Variants in SPTA1 observed in about 807,000 individuals in gnomAD.
SPTA1 encodes the protein spectrin alpha, erythrocytic 1.
A neutral mutation model predicts 324.7 loss-of-function variants in SPTA1; 177 were observed. The observed-to-expected ratio is 0.55, with a 90% confidence interval of 0.48 to 0.62. SPTA1 has a LOEUF of 0.62. SPTA1 is among the 20% of genes least tolerant of loss of function. SPTA1 has a pLI of 0.00. For missense variants in SPTA1, 3,162 were observed against 2,883.6 expected (o/e 1.10, Z -2.21); for synonymous variants, 1,195 against 1,041.3 (o/e 1.15, Z -2.84).
chr1:158,649,519 T>A (rs1359765036), intron 25 of SPTA1, among the ~76,000 whole-genome samples: 1 of 152,206 alleles, frequency 6.6e-6, no homozygotes. Flanking sequence ...ACTCTCGGCC[T>A]AAAGCAATCC....
At chr1:158,677,272 T>A (rs16840527) in intron 7 of SPTA1, among the ~76,000 whole-genome samples, 4,331 of 152,250 alleles carry the variant, frequency 0.028, 166 homozygotes, top group African/African-American at 0.088. Flanking sequence ...GAGAAGACAA[T>A]GTTTTTCTGA....
In SPTA1 at chr1:158,611,247, C is replaced by T; in HGVS notation, c.*17G>A. 1 of 1,612,542 alleles carries T rather than the reference C, an allele frequency of 6.2e-7. No individual in the cohort carries two copies. Among genetic ancestry groups the T allele is most frequent in the Non-Finnish European group, 8.5e-7 (1 of 1,179,054 alleles). On this transcript the variant is annotated 3_prime_UTR_variant, in exon 52 of 52. Transcript: ENST00000643759. ...CCACGACACTAAGATTTTCTACGATCCACGAGGAGCTGCTTATTAGTTGCC... is the reference window on the plus strand; with the variant it reads ...CCACGACACTAAGATTTTCTACGATTCACGAGGAGCTGCTTATTAGTTGCC...
chr1:158,667,723 A>G, intron 15 of SPTA1, 135 bp downstream of exon 15: 1 of 927,210 alleles, frequency 1.1e-6, no homozygotes, highest in Non-Finnish European at 1.6e-6. Context: ...TTACCAATAA[A>G]AGAAAGACAC....
Position 158,611,093 on chromosome 1 carries a change from A to T in SPTA1, c.*171T>A. The T allele has an allele frequency of 1.1e-6, 1 of 898,034 alleles. No homozygotes were observed. Among genetic ancestry groups the T allele is most frequent in the Non-Finnish European group, 1.7e-6 (1 of 592,772 alleles). The allele number at this position is 898,034 out of a possible 1,614,324, so 55.6% of individuals were successfully genotyped here. On this transcript the variant is annotated 3_prime_UTR_variant, in exon 52 of 52. Coordinates refer to ENST00000643759, the MANE Select transcript of SPTA1 (RefSeq NM_003126.4). ...CTATCTCCCACCCTTGAGATTTTTTAAGATCCTACAATAAATGTAATATGC... is the reference window on the plus strand; with the variant it reads ...CTATCTCCCACCCTTGAGATTTTTTTAGATCCTACAATAAATGTAATATGC...
At position 158,651,357 on chromosome 1, in the gene SPTA1, C is replaced by A; in HGVS notation, c.3477+10G>T. 6.3e-7 allele frequency: 1 copy of A among 1,595,484 alleles called. No homozygotes were observed. Among genetic ancestry groups the A allele is most frequent in the Non-Finnish European group, 8.6e-7 (1 of 1,163,214 alleles). On this transcript the variant is annotated intron_variant, in intron 24 of 51. Transcript: ENST00000643759. ...TGGTAGTGAGGAGGAATGGAGGGAG[C>A]CTTAGTTACCTGCCGGATTTGAGCT...
rs1485407200 is a variant in SPTA1, at chr1:158,646,468, G to A, written c.3897-874C>T. 2.6e-5 allele frequency among the ~76,000 whole-genome samples: 4 copies of A among 151,754 alleles called. No homozygotes were observed. The East Asian group carries it at 7.7e-4, about 29-fold the overall frequency. ...GGAACTCATACTTTAGGTTAAGAAT[G>A]GATAAAAACAAAACAAAACAAAACA... is the stretch of plus-strand genomic sequence containing the variant. On this transcript the variant is annotated intron_variant, in intron 27 of 51. Transcript: ENST00000643759.
chr1:158,642,319 A>G (rs993789878), intron 33 of SPTA1, 92 bp downstream of exon 33: 7 of 1,356,320 alleles, frequency 5.2e-6, no homozygotes, highest in East Asian at 3.0e-5. Context: ...TAATAATAAA[A>G]TTAAAAAAAA....
rs760149264 is a variant in SPTA1, at chr1:158,653,442, T to A, written c.3037-17A>T. On this transcript the variant is annotated splice_polypyrimidine_tract_variant and intron_variant, in intron 21 of 51. Coordinates refer to ENST00000643759, the MANE Select transcript of SPTA1 (RefSeq NM_003126.4). ...CCACCAGTCCTGAAGGGAGAGCAGA[T>A]CCCCACTCCGTCATTAATTCTTGGA... The A allele has an allele frequency of 3.8e-5, 61 of 1,613,544 alleles. No individual in the cohort carries two copies. The highest frequency in any genetic ancestry group is 4.9e-5 in the Non-Finnish European group (58 of 1,179,960).
intron 8 of SPTA1, 31 bp downstream of exon 8, chr1:158,676,110 G>A (rs746901772): frequency 2.5e-6 from 4 of 1,612,740 alleles, no homozygotes; most frequent in East Asian, 2.2e-5. Context: ...TGTAGAGATA[G>A]GTAGAGCAAT....
rs368873387 is a variant in SPTA1 at position 158,620,377 on chromosome 1, C to T, written c.6210G>A (p.Val2070=). Residue 2070 remains valine, a synonymous_variant, in exon 44 of 52, where the codon GTG becomes GTA. Coordinates refer to ENST00000643759, the MANE Select transcript of SPTA1 (RefSeq NM_003126.4). ...EKMEENLSEP[V]HCVSLNEIRQ... Reference sequence around the variant, plus strand: ...GAATTTCATTCAGGGAGACACAGTGCACAGGCTCTGACAAGTTTTCTTCCA... The same window carrying T: ...GAATTTCATTCAGGGAGACACAGTGTACAGGCTCTGACAAGTTTTCTTCCA... 8.7e-6 allele frequency: 14 copies of T among 1,613,958 alleles called. No homozygotes were observed. In the African/African-American group the frequency reaches 1.9e-4, roughly 22 times the overall value.
At chr1:158,628,417 AG>A (rs1170570143) in intron 39 of SPTA1, among the ~76,000 whole-genome samples, 1 of 152,174 alleles carries the variant, frequency 6.6e-6, no homozygotes, top group Non-Finnish European at 1.5e-5. Flanking sequence ...ATAGTAAGTC[AG>A]GTTAAAGGAA....
intron 33 of SPTA1, 123 bp downstream of exon 33, chr1:158,642,288 A>G (rs1056613824): frequency 9.6e-6 from 10 of 1,040,160 alleles, no homozygotes; most frequent in Non-Finnish European, 1.1e-5. Context: ...GTGCACATGT[A>G]CCCTAAAACT....
chr1:158,622,342 ATATAT>A, intron 43 of SPTA1, among the ~76,000 whole-genome samples: 1 of 151,998 alleles, frequency 6.6e-6, no homozygotes, highest in East Asian at 1.9e-4. Context: ...ATTAATGTAC[ATATAT>A]TTAGGTACAT....
chr1:158,620,075 T>C lies in SPTA1; in HGVS notation c.6417+95A>G, dbSNP rs143111012. 350 of 1,448,086 alleles carry C rather than the reference T, an allele frequency of 2.4e-4. 4 individuals are homozygous for C. In the Middle Eastern group the frequency reaches 9.6e-3, roughly 40 times the overall value. 89.7% of individuals were successfully genotyped at this position (1,448,086 alleles called of 1,614,324 possible). The stretch of plus-strand genomic sequence containing the variant: ...ACTTCTGTCCCAGTATAGTTATTAA[T>C]AGTGTTCCTTCTATGTCAAAAGTCT... On this transcript the variant is annotated intron_variant, in intron 44 of 51. Transcript: ENST00000643759.
chr1:158,642,736 A>G, intron 32 of SPTA1, 78 bp downstream of exon 32: 3 of 1,608,104 alleles, frequency 1.9e-6, no homozygotes, highest in Non-Finnish European at 8.5e-7. Flanking sequence ...AGAAAGTGTT[A>G]AAGTATCAAG....
chr1:158,651,313 G>A, intron 24 of SPTA1, 54 bp downstream of exon 24: 2 of 1,122,852 alleles, frequency 1.8e-6, no homozygotes, highest in South Asian at 2.5e-5. Context: ...AGTGAAATGA[G>A]GACTCCCAAA....
intron 19 of SPTA1, 42 bp downstream of exon 19, chr1:158,657,435 G>T: frequency 1.3e-6 from 2 of 1,572,240 alleles, no homozygotes; most frequent in Non-Finnish European, 1.7e-6. Flanking sequence ...ATTTGGTTGC[G>T]TTTGTTGAGG....
chr1:158,613,759 G>A lies in SPTA1; in HGVS notation c.6951C>T (p.Pro2317=). 6 of 1,613,666 alleles carry A rather than the reference G, an allele frequency of 3.7e-6. No individual in the cohort carries two copies. The highest frequency in any genetic ancestry group is 5.1e-6 in the Non-Finnish European group (6 of 1,179,814). ...CAGCATCCAGGAACTTCTCAAACTT[G>A]GGCTCATGTTCATCCTCCTCCACCA... ...LPMVEEDEHE[P]KFEKFLDAVD... Residue 2317 remains proline, a synonymous_variant, in exon 50 of 52, where the codon CCC becomes CCT. Transcript: ENST00000643759.
chr1:158,685,022 C>G (rs1655064128), intron 2 of SPTA1, 86 bp downstream of exon 2: 2 of 1,491,448 alleles, frequency 1.3e-6, no homozygotes, highest in Non-Finnish European at 9.3e-7. Flanking sequence ...CCACACATAC[C>G]CATTAACATT....
Sources: gnomAD v4.1 joint callset for allele counts (sites outside exome capture counted in the v4.1 genomes callset) on GRCh38, gnomAD v4.1.1 for gene constraint, MANE v1.5 for transcripts, NCBI Gene and HGNC (gene_info 2026-07-23, HGNC 2026-07-21) for gene names.